Variants in TRIO observed in about 807,000 individuals in gnomAD.
The protein encoded by TRIO is trio Rho guanine nucleotide exchange factor.
A neutral mutation model predicts 351.9 loss-of-function variants in TRIO; 58 were observed. That is an observed-to-expected ratio of 0.16 (90% CI 0.13 to 0.21). TRIO has a LOEUF of 0.21. TRIO is among the 10% of genes least tolerant of loss of function. TRIO has a pLI of 1.00. For missense variants in TRIO, 3,201 were observed against 4,027.8 expected, an observed-to-expected ratio of 0.79 and a Z score of 5.56; for synonymous variants, 1,758 against 1,595.7, an observed-to-expected ratio of 1.10 and a Z score of -2.42.
chr5:14,388,075 G>C (rs1352213279), intron 23 of TRIO: 2 of 530,556 alleles, frequency 3.8e-6, no homozygotes, highest in Admixed American at 3.3e-5. Flanking sequence ...GTTTCATTTG[G>C]AGTTGATGAA....
At chr5:14,170,647 C>T (rs1016669669) in intron 1 of TRIO, among the ~76,000 whole-genome samples, 3 of 151,942 alleles carry the variant, frequency 2.0e-5, no homozygotes, top group Admixed American at 1.3e-4. Flanking sequence ...GCTGGGATTA[C>T]AGGCGTGCTC....
chr5:14,304,759 TG>T (rs901764703), intron 8 of TRIO, among the ~76,000 whole-genome samples, 167 bp downstream of exon 8: 3 of 151,352 alleles, frequency 2.0e-5, no homozygotes, highest in African/African-American at 7.3e-5. Flanking sequence ...GTGTGGGGAG[TG>T]GGGTGGGGCA....
At chr5:14,383,720 C>A (rs1168558614) in intron 21 of TRIO, among the ~76,000 whole-genome samples, 3 of 152,124 alleles carry the variant, frequency 2.0e-5, no homozygotes, top group Non-Finnish European at 4.4e-5. Context: ...TCTTAGCAAT[C>A]TTTTTCTTTG....
rs1442708560 is a variant in TRIO at position 14,275,508 on chromosome 5, G to C, written c.232+4609G>C. Among the ~76,000 whole-genome samples the C allele has an allele frequency of 2.0e-5, 3 of 151,770 alleles. No individual in the cohort carries two copies. In the East Asian group the frequency reaches 5.8e-4, roughly 29 times the overall value. On this transcript the variant is annotated intron_variant, in intron 2 of 56. Coordinates refer to ENST00000344204, the MANE Select transcript of TRIO (RefSeq NM_007118.4). ...TAACTAAAAAATAGTTAAAAGTTAA[G>C]GTATGGTTAAAAAAAATCTAGTTTT...
chr5:14,505,169 C>G (rs553647978), intron 55 of TRIO, among the ~76,000 whole-genome samples: 1 of 152,346 alleles, frequency 6.6e-6, no homozygotes, highest in East Asian at 1.9e-4. Flanking sequence ...TTAGTCACGT[C>G]AAGAAAAGAG....
intron 1 of TRIO, among the ~76,000 whole-genome samples, chr5:14,145,673 G>A (rs564115844): frequency 5.3e-5 from 8 of 152,260 alleles, no homozygotes; most frequent in Non-Finnish European, 1.2e-4. Flanking sequence ...CTGTTAGAAA[G>A]GCTCTTCTGC....
rs200914539 is a variant in TRIO, at chr5:14,472,548, T to C, written c.5913-44T>C. On this transcript the variant is annotated intron_variant, in intron 38 of 56. Coordinates refer to ENST00000344204, the MANE Select transcript of TRIO (RefSeq NM_007118.4). ...AGGAGCAAAGGTACAAAAAAATTCATTTAGAAAACAGTTTGCATGATAAAC... is the reference window on the plus strand; with the variant it reads ...AGGAGCAAAGGTACAAAAAAATTCACTTAGAAAACAGTTTGCATGATAAAC... The C allele has an allele frequency of 2.4e-5, 38 of 1,608,764 alleles. No individual in the cohort carries two copies. The East Asian group carries it at 8.3e-4, about 35-fold the overall frequency.
intron 1 of TRIO, among the ~76,000 whole-genome samples, chr5:14,173,315 A>G (rs780539429): frequency 2.7e-5 from 4 of 150,698 alleles, no homozygotes; most frequent in Non-Finnish European, 4.4e-5. Context: ...GGTTCAAGCA[A>G]TTCTCCTGCC....
At chr5:14,343,130 C>A (rs1742096993) in intron 11 of TRIO, among the ~76,000 whole-genome samples, 1 of 151,590 alleles carries the variant, frequency 6.6e-6, no homozygotes, top group South Asian at 2.1e-4. Context: ...ACAAGGAGGT[C>A]CCATGCATCT....
intron 1 of TRIO, among the ~76,000 whole-genome samples, chr5:14,161,953 C>T (rs996061603): frequency 6.6e-6 from 1 of 152,156 alleles, no homozygotes; most frequent in East Asian, 1.9e-4. Context: ...TCCTGGACTC[C>T]AGCCATCTGC....
At chr5:14,215,969 G>A (rs1581371416) in intron 1 of TRIO, among the ~76,000 whole-genome samples, 2 of 152,254 alleles carry the variant, frequency 1.3e-5, no homozygotes, top group East Asian at 1.9e-4. Flanking sequence ...TAATCAAGCC[G>A]TTTGATCTTA....
intron 1 of TRIO, among the ~76,000 whole-genome samples, chr5:14,247,817 C>T (rs190117660): frequency 8.5e-4 from 129 of 152,216 alleles, no homozygotes; most frequent in Non-Finnish European, 1.5e-3. Flanking sequence ...GCTGTAATCC[C>T]AGCACTTTGA....
chr5:14,147,563 T>G (rs1006028506), intron 1 of TRIO, among the ~76,000 whole-genome samples: 4 of 152,238 alleles, frequency 2.6e-5, no homozygotes, highest in Admixed American at 6.5e-5. Context: ...GTAGTTATTC[T>G]GAAGCATCAC....
chr5:14,397,890 C>A (rs891107710), intron 29 of TRIO, among the ~76,000 whole-genome samples: 4 of 152,052 alleles, frequency 2.6e-5, no homozygotes, highest in African/African-American at 9.7e-5. Context: ...CATCCAGGAC[C>A]CAGGCTGTGT....
At chr5:14,387,213 C>A in intron 21 of TRIO, 2 of 474,438 alleles carry the variant, frequency 4.2e-6, no homozygotes, top group Non-Finnish European at 7.5e-6. Context: ...TAAGTTTATT[C>A]TTTGAGGTCA....
intron 9 of TRIO, 126 bp downstream of exon 9, chr5:14,316,869 T>A (rs1739423843): frequency 3.5e-6 from 4 of 1,137,962 alleles, no homozygotes; most frequent in Non-Finnish European, 4.9e-6. Flanking sequence ...GAGGAGCTTT[T>A]TTGTTGAATG....
At chr5:14,337,622 G>A (rs895709223) in intron 11 of TRIO, among the ~76,000 whole-genome samples, 1 of 152,186 alleles carries the variant, frequency 6.6e-6, no homozygotes, top group Admixed American at 6.5e-5. Context: ...TGGGGAAAGA[G>A]GGGAGGGCGA....
chr5:14,253,457 G>A (rs79764708), intron 1 of TRIO, among the ~76,000 whole-genome samples: 1 of 152,198 alleles, frequency 6.6e-6, no homozygotes, highest in African/African-American at 2.4e-5. Flanking sequence ...CTGGGCTCAA[G>A]TGATCCTCCT....
intron 11 of TRIO, among the ~76,000 whole-genome samples, chr5:14,356,706 A>C (rs1355740691): frequency 1.3e-5 from 2 of 152,204 alleles, no homozygotes; most frequent in Non-Finnish European, 2.9e-5. Context: ...GTGGCTCCAA[A>C]CTGGAAATAA....
Sources: gnomAD v4.1 joint callset for allele counts (sites outside exome capture counted in the v4.1 genomes callset) on GRCh38, gnomAD v4.1.1 for gene constraint, MANE v1.5 for transcripts, NCBI Gene and HGNC (gene_info 2026-07-23, HGNC 2026-07-21) for gene names.